Variants in FHIT observed in about 807,000 individuals in gnomAD.
The protein encoded by FHIT is bis(5'-adenosyl)-triphosphatase.
A neutral mutation model predicts 17.9 loss-of-function variants in FHIT; 19 were observed. The ratio of observed to expected loss-of-function variants is 1.06; its 90% CI spans 0.74 to 1.56. The LOEUF (loss-of-function observed/expected upper bound fraction) is 1.56. Ranked by LOEUF, FHIT falls within the 40% of genes most tolerant of loss-of-function variation. FHIT has a pLI of 0.00. For missense variants in FHIT, 248 were observed against 189.2 expected (o/e 1.31, Z -1.82); for synonymous variants, 81 against 69.7 (o/e 1.16, Z -0.81).
chr3:59,807,380 AAC>A (rs938452684), intron 8 of FHIT, among the ~76,000 whole-genome samples: 27 of 152,166 alleles, frequency 1.8e-4, no homozygotes, highest in African/African-American at 6.5e-4. Context: ...GCCAAACAGG[AAC>A]ACACTATGGG....
At chr3:59,787,481 AACACACAC>A (rs58100812) in intron 8 of FHIT, among the ~76,000 whole-genome samples, 6,667 of 142,436 alleles carry the variant, frequency 0.047, 191 homozygotes, top group African/African-American at 0.069. Context: ...CAAGGGGCAA[AACACACAC>A]ACACACACAC....
chr3:60,191,868 A>G (rs1011796977), intron 5 of FHIT, among the ~76,000 whole-genome samples: 14 of 152,184 alleles, frequency 9.2e-5, no homozygotes, highest in African/African-American at 3.4e-4. Context: ...AAAAGAAAAG[A>G]CTAACAAAGC....
In FHIT at chr3:59,752,298, GTCC is replaced by G. The variant is rs757291411; in HGVS notation, c.369_371del (p.Glu123del). 31 of 1,612,580 alleles carry G rather than the reference GTCC, an allele frequency of 1.9e-5. No homozygotes were observed. The African/African-American group carries it at 2.0e-4, about 10-fold the overall frequency. On this transcript the variant is annotated inframe_deletion, in exon 9 of 10. Transcript: ENST00000492590. Reference sequence around the variant, plus strand: ...CCTCTGATCTCCAAGAGGCAGGAAAGTCCTCCTTGTCATGTTTCTGGAGCTTTG... The same window carrying G: ...CCTCTGATCTCCAAGAGGCAGGAAAGTCCTTGTCATGTTTCTGGAGCTTTG...
chr3:59,964,866 A>C (rs1707849503), intron 7 of FHIT, among the ~76,000 whole-genome samples: 1 of 152,184 alleles, frequency 6.6e-6, no homozygotes, highest in Admixed American at 6.5e-5. Flanking sequence ...ACCAATGTGA[A>C]TATCATTAGG....
intron 5 of FHIT, among the ~76,000 whole-genome samples, chr3:60,222,036 G>C (rs138144177): frequency 7.9e-4 from 121 of 152,242 alleles, no homozygotes; most frequent in African/African-American, 2.5e-3. Context: ...ACGTGGAACA[G>C]ATACTGGTAG....
At chr3:59,868,047 T>TAAAA (rs1553701048) in intron 8 of FHIT, among the ~76,000 whole-genome samples, 2 of 111,346 alleles carry the variant, frequency 1.8e-5, no homozygotes, top group Admixed American at 9.7e-5. Flanking sequence ...TTTTTTTTTT[T>TAAAA]AAAAAAAAAA....
chr3:60,656,465 G>A (rs1377851379), intron 4 of FHIT, among the ~76,000 whole-genome samples: 7 of 152,076 alleles, frequency 4.6e-5, no homozygotes, highest in African/African-American at 1.7e-4. Flanking sequence ...GTATGAGGAC[G>A]CCCGCACCCA....
intron 7 of FHIT, among the ~76,000 whole-genome samples, chr3:60,007,232 C>T (rs1355811953): frequency 4.6e-5 from 7 of 152,078 alleles, no homozygotes; most frequent in African/African-American, 1.4e-4. Flanking sequence ...TAAGCAGCAT[C>T]GCTTCTAAAG....
intron 4 of FHIT, chr3:60,730,393 C>A: frequency 4.1e-6 from 1 of 243,136 alleles, no homozygotes. Context: ...TGTATTTGTT[C>A]CATCCATGTG....
At chr3:60,757,825 T>G (rs1699500587) in intron 4 of FHIT, among the ~76,000 whole-genome samples, 1 of 152,274 alleles carries the variant, frequency 6.6e-6, no homozygotes, top group East Asian at 1.9e-4. Flanking sequence ...TTGGCTGCCA[T>G]GTGAAGAATG....
At chr3:60,660,571 T>A (rs1553690818) in intron 4 of FHIT, among the ~76,000 whole-genome samples, 1 of 152,022 alleles carries the variant, frequency 6.6e-6, no homozygotes, top group Non-Finnish European at 1.5e-5. Context: ...GGTGAGGAGA[T>A]ACATTCCTGG....
intron 4 of FHIT, among the ~76,000 whole-genome samples, chr3:60,584,430 C>T: frequency 6.6e-6 from 1 of 151,944 alleles, no homozygotes. Context: ...GTGGCGGTGG[C>T]AGTAACTGTG....
chr3:59,804,000 G>C (rs775482785), intron 8 of FHIT, among the ~76,000 whole-genome samples: 10 of 152,208 alleles, frequency 6.6e-5, no homozygotes, highest in Admixed American at 3.9e-4. Flanking sequence ...CTTGGGGCCT[G>C]GTTCTCAGGG....
At chr3:60,318,051 C>T (rs1709249045) in intron 5 of FHIT, among the ~76,000 whole-genome samples, 1 of 152,114 alleles carries the variant, frequency 6.6e-6, no homozygotes, top group East Asian at 1.9e-4. Context: ...CTCGGCCTCC[C>T]AAAGTGCTGG....
intron 8 of FHIT, among the ~76,000 whole-genome samples, chr3:59,778,102 G>C (rs1308765418): frequency 3.3e-5 from 5 of 152,114 alleles, no homozygotes; most frequent in Non-Finnish European, 7.3e-5. Flanking sequence ...GGCGGTCTGG[G>C]TCTGATCTGG....
intron 5 of FHIT, among the ~76,000 whole-genome samples, chr3:60,194,206 C>G (rs955767259): frequency 3.3e-5 from 5 of 151,996 alleles, no homozygotes; most frequent in African/African-American, 1.2e-4. Context: ...GCAATAGTAA[C>G]CAAGACAGCA....
chr3:61,152,508 G>A (rs2037423590), intron 2 of FHIT, among the ~76,000 whole-genome samples: 2 of 152,178 alleles, frequency 1.3e-5, no homozygotes, highest in Admixed American at 1.3e-4. Flanking sequence ...AATAGTAAGT[G>A]TTGGTACAAA....
intron 5 of FHIT, among the ~76,000 whole-genome samples, chr3:60,256,431 A>T (rs1705995793): frequency 6.6e-6 from 1 of 152,196 alleles, no homozygotes; most frequent in Admixed American, 6.5e-5. Context: ...TTTCTAAATC[A>T]CCCAGGCTAA....
At chr3:60,423,402 G>T (rs1420642674) in intron 5 of FHIT, among the ~76,000 whole-genome samples, 1 of 152,086 alleles carries the variant, frequency 6.6e-6, no homozygotes, top group African/African-American at 2.4e-5. Context: ...GTCAAAAACA[G>T]AGCGTGAGAA....
Sources: gnomAD v4.1 joint callset for allele counts (sites outside exome capture counted in the v4.1 genomes callset) on GRCh38, gnomAD v4.1.1 for gene constraint, MANE v1.5 for transcripts, NCBI Gene and HGNC (gene_info 2026-07-23, HGNC 2026-07-21) for gene names.